Variants in ABCA13 observed in about 807,000 individuals in gnomAD.
ABCA13 encodes ATP-binding cassette sub-family A member 13.
ABCA13 carries 476 observed loss-of-function variants against 478.7 expected under a neutral mutation model. The observed-to-expected ratio is 0.99, with a 90% confidence interval of 0.92 to 1.07. The LOEUF is 1.07. Among genes scored for constraint, ABCA13 ranks in the 50% least tolerant of loss-of-function variants. ABCA13 has a pLI of 0.00. For missense variants in ABCA13, 6,060 were observed against 5,910.6 expected (o/e 1.03, Z -0.83); for synonymous variants, 2,252 against 2,158.9 (o/e 1.04, Z -1.20).
intron 45 of ABCA13, among the ~76,000 whole-genome samples, chr7:48,476,583 A>G (rs917550714): frequency 2.0e-5 from 3 of 152,158 alleles, no homozygotes; most frequent in Non-Finnish European, 2.9e-5. Context: ...CCAATGGTTC[A>G]TCTTGAATTA....
chr7:48,562,204 T>C (rs1786539667), intron 55 of ABCA13, among the ~76,000 whole-genome samples: 1 of 152,074 alleles, frequency 6.6e-6, no homozygotes, highest in Non-Finnish European at 1.5e-5. Context: ...GCAGTTGTGA[T>C]AGTTTTTGGT....
chr7:48,198,779 A>G (rs1798281850), intron 3 of ABCA13, among the ~76,000 whole-genome samples: 1 of 152,184 alleles, frequency 6.6e-6, no homozygotes, highest in South Asian at 2.1e-4. Flanking sequence ...CAGCTGAGGG[A>G]AAATAAAACT....
At position 48,273,023 on chromosome 7, in the gene ABCA13, A is replaced by G. The variant is rs1370096618; in HGVS notation, c.3357A>G (p.Ser1119=). 6.2e-7 allele frequency: 1 copy of G among 1,613,698 alleles called. No homozygotes were observed. Among genetic ancestry groups the G allele is most frequent in the African/African-American group, 1.3e-5 (1 of 75,056 alleles). The change falls in exon 17 of 62, where the codon TCA becomes TCG. Residue 1119 remains serine (S), a synonymous_variant. Transcript: ENST00000435803. ...SVNYSTSEES[S]FVFPLAQIFS... ...ATTATTCAACAAGTGAGGAGTCTTC[A>G]TTTGTTTTTCCATTGGCACAAATTT... is the stretch of plus-strand genomic sequence containing the variant.
intron 55 of ABCA13, among the ~76,000 whole-genome samples, chr7:48,563,044 G>A (rs28661997): frequency 1.3e-5 from 2 of 151,746 alleles, no homozygotes; most frequent in Admixed American, 6.6e-5. Flanking sequence ...TATTGCTTTA[G>A]CATTTGCATT....
At chr7:48,622,633 C>G (rs567515664) in intron 59 of ABCA13, among the ~76,000 whole-genome samples, 18 of 152,202 alleles carry the variant, frequency 1.2e-4, no homozygotes, top group Non-Finnish European at 2.1e-4. Context: ...TCTTTTATCT[C>G]TTTTGTCTTC....
At chr7:48,330,135 A>G (rs528409300) in intron 27 of ABCA13, among the ~76,000 whole-genome samples, 2 of 151,700 alleles carry the variant, frequency 1.3e-5, no homozygotes, top group East Asian at 3.9e-4. Flanking sequence ...CCACACATCC[A>G]TCCATCCATT....
intron 55 of ABCA13, among the ~76,000 whole-genome samples, chr7:48,533,961 A>G (rs925258885): frequency 4.6e-5 from 7 of 152,088 alleles, no homozygotes; most frequent in African/African-American, 1.4e-4. Context: ...GCCATTCTGT[A>G]TCTTTTAAGT....
intron 55 of ABCA13, among the ~76,000 whole-genome samples, chr7:48,538,155 C>T (rs2131106912): frequency 7.4e-6 from 1 of 134,878 alleles, no homozygotes; most frequent in Non-Finnish European, 1.5e-5. Flanking sequence ...GCCTGGAGTG[C>T]AGTGGTGCGA....
chr7:48,426,785 T>A (rs1442095036), intron 41 of ABCA13, among the ~76,000 whole-genome samples: 15 of 152,140 alleles, frequency 9.9e-5, no homozygotes, highest in Admixed American at 9.8e-4. Context: ...GCTAACCACA[T>A]GAATAATAGA....
intron 15 of ABCA13, among the ~76,000 whole-genome samples, chr7:48,255,629 GGA>G: frequency 6.6e-6 from 1 of 152,140 alleles, no homozygotes. Flanking sequence ...TTACTGCAAA[GGA>G]CATGATTTCA....
chr7:48,311,899 G>A (rs976902618), intron 24 of ABCA13, among the ~76,000 whole-genome samples: 10 of 152,096 alleles, frequency 6.6e-5, no homozygotes, highest in African/African-American at 2.4e-4. Flanking sequence ...ATATTAATTC[G>A]GCACATCAAT....
At chr7:48,291,206 A>G (rs1019313565) in intron 20 of ABCA13, among the ~76,000 whole-genome samples, 79 of 152,268 alleles carry the variant, frequency 5.2e-4, no homozygotes, top group African/African-American at 1.9e-3. Context: ...AGGCTGGAGG[A>G]GGCTGTGTCT....
Position 48,461,606 on chromosome 7 carries a change from C to T in ABCA13, c.12816-5350C>T, listed in dbSNP as rs184794850. Among the ~76,000 whole-genome samples the T allele has an allele frequency of 7.2e-5, 11 of 152,208 alleles. No individual in the cohort carries two copies. The East Asian group carries it at 2.1e-3, about 29-fold the overall frequency. Reference sequence around the variant, plus strand: ...TGAATATATATCCTTCATGCTCTACCCAACCATGAATTTAGGATGTACTTC... The same window carrying T: ...TGAATATATATCCTTCATGCTCTACTCAACCATGAATTTAGGATGTACTTC... On this transcript the variant is annotated intron_variant, in intron 43 of 61. Transcript: ENST00000435803.
chr7:48,470,713 T>A (rs1227555135), intron 44 of ABCA13, among the ~76,000 whole-genome samples: 2 of 152,242 alleles, frequency 1.3e-5, no homozygotes, highest in Non-Finnish European at 2.9e-5. Context: ...GTTATCATAC[T>A]GGCTTTCTCA....
At chr7:48,610,940 G>T (rs1409560840) in intron 58 of ABCA13, among the ~76,000 whole-genome samples, 1 of 152,186 alleles carries the variant, frequency 6.6e-6, no homozygotes, top group Non-Finnish European at 1.5e-5. Flanking sequence ...TGCGAGGGGG[G>T]CTGCCTAGAA....
intron 57 of ABCA13, among the ~76,000 whole-genome samples, chr7:48,593,821 T>A (rs949284199): frequency 2.0e-5 from 3 of 152,068 alleles, no homozygotes; most frequent in Admixed American, 6.6e-5. Flanking sequence ...GAAGGGCAGC[T>A]TTGCTGGGTA....
intron 35 of ABCA13, among the ~76,000 whole-genome samples, chr7:48,386,538 C>T (rs527909566): frequency 6.6e-6 from 1 of 152,106 alleles, no homozygotes; most frequent in South Asian, 2.1e-4. Flanking sequence ...CAAGAACAGA[C>T]ACATAGACTA....
At chr7:48,537,421 G>T (rs73333809) in intron 55 of ABCA13, among the ~76,000 whole-genome samples, 128 of 152,270 alleles carry the variant, frequency 8.4e-4, no homozygotes, top group African/African-American at 3.0e-3. Flanking sequence ...ACTCGAACAT[G>T]AATTTTCTCA....
chr7:48,476,536 G>T (rs1324360497), intron 45 of ABCA13, among the ~76,000 whole-genome samples: 1 of 152,126 alleles, frequency 6.6e-6, no homozygotes, highest in African/African-American at 2.4e-5. Flanking sequence ...GGGTTGGGGA[G>T]CGGGGAGCTA....
Sources: allele counts gnomAD v4.1 joint callset (sites outside exome capture counted in the v4.1 genomes callset), GRCh38; gene constraint gnomAD v4.1.1; transcripts MANE v1.5; gene names NCBI Gene and HGNC (gene_info 2026-07-23, HGNC 2026-07-21).